Variants in SLC12A6 observed in about 807,000 individuals in gnomAD.
SLC12A6 encodes the protein solute carrier family 12 member 6.
Under a neutral mutation model 135.3 loss-of-function variants are expected in SLC12A6, and 66 were observed. That is an observed-to-expected ratio of 0.49 (90% CI 0.40 to 0.60). The LOEUF (loss-of-function observed/expected upper bound fraction) is 0.60, where lower values mean the gene tolerates loss of function less well. Ranked by LOEUF, SLC12A6 falls within the 20% of genes least tolerant of loss-of-function variation. SLC12A6 has a pLI of 0.00. For synonymous variants in SLC12A6, 513 were observed against 508.8 expected (o/e 1.01, Z -0.11); for missense variants, 1,058 against 1,452.3 (o/e 0.73, Z 4.41).
intron 2 of SLC12A6, among the ~76,000 whole-genome samples, chr15:34,303,041 A>G (rs961333959): frequency 6.6e-6 from 1 of 152,012 alleles, no homozygotes; most frequent in African/African-American, 2.4e-5. Context: ...CTGTGGAAAC[A>G]TATTTCACAT....
intron 17 of SLC12A6, 130 bp downstream of exon 17, chr15:34,241,972 T>C: frequency 1.4e-6 from 1 of 737,086 alleles, no homozygotes; most frequent in Admixed American, 1.9e-5. Context: ...GGTTAAAGAA[T>C]TAGGGGTACA....
chr15:34,266,859 TAA>T (rs1350946029), intron 3 of SLC12A6, among the ~76,000 whole-genome samples: 2 of 152,240 alleles, frequency 1.3e-5, no homozygotes, highest in African/African-American at 4.8e-5. Context: ...GTTGGATTTT[TAA>T]AAGTCTGACA....
Position 34,270,568 on chromosome 15 carries a change from C to T in SLC12A6, c.316+4777G>A, listed in dbSNP as rs537968410. Among the ~76,000 whole-genome samples, 26 of 152,096 alleles carry T rather than the reference C, an allele frequency of 1.7e-4. No individual in the cohort carries two copies. The South Asian group carries it at 4.4e-3, about 25-fold the overall frequency. On this transcript the variant is annotated intron_variant, in intron 3 of 25. Coordinates refer to ENST00000354181, the MANE Select transcript of SLC12A6 (RefSeq NM_001365088.1). ...CTCTAATCCCAGCACTTTGGGAGGACGAGACAGGCGGATCACTTGAGGCTT... is the reference window on the plus strand; with the variant it reads ...CTCTAATCCCAGCACTTTGGGAGGATGAGACAGGCGGATCACTTGAGGCTT...
In SLC12A6 at chr15:34,299,975, T is replaced by C. The variant is rs181179748; in HGVS notation, c.272-24586A>G. Among the ~76,000 whole-genome samples the C allele has an allele frequency of 1.1e-3, 171 of 152,146 alleles. 4 individuals are homozygous for C. In the East Asian group the frequency reaches 0.029, roughly 26 times the overall value. ...TAACAATGGACTAGGATAGTAGCAG[T>C]GAAGATGGAGAGAACGGGACAAATT... On this transcript the variant is annotated intron_variant, in intron 2 of 25. Coordinates refer to ENST00000354181, the MANE Select transcript of SLC12A6 (RefSeq NM_001365088.1).
chr15:34,312,124 A>C (rs913992734), intron 2 of SLC12A6, among the ~76,000 whole-genome samples: 2 of 152,206 alleles, frequency 1.3e-5, no homozygotes, highest in African/African-American at 4.8e-5. Flanking sequence ...CAGTGAAGGA[A>C]AGTAGTCCTT....
chr15:34,270,930 C>T (rs545743672), intron 3 of SLC12A6, among the ~76,000 whole-genome samples: 1 of 151,958 alleles, frequency 6.6e-6, no homozygotes, highest in South Asian at 2.1e-4. Context: ...GTGGAAGGCC[C>T]CTCTTCACAG....
chr15:34,303,436 A>T (rs1896392940), intron 2 of SLC12A6, among the ~76,000 whole-genome samples: 1 of 152,202 alleles, frequency 6.6e-6, no homozygotes, highest in African/African-American at 2.4e-5. Flanking sequence ...AATCATATAT[A>T]AACTTTTGAG....
intron 25 of SLC12A6, 107 bp from the exon 26 acceptor site, chr15:34,234,079 A>AT (rs1330823266): frequency 2.7e-6 from 2 of 727,604 alleles, no homozygotes; most frequent in African/African-American, 3.5e-5. Context: ...TTAGCTGCTT[A>AT]ATTATTATAT....
chr15:34,296,745 G>C (rs897622925), intron 2 of SLC12A6, among the ~76,000 whole-genome samples: 1 of 152,066 alleles, frequency 6.6e-6, no homozygotes, highest in Non-Finnish European at 1.5e-5. Flanking sequence ...TTTTTGCCAA[G>C]AGCATGGCAG....
chr15:34,333,511 G>A (rs138560146), intron 2 of SLC12A6, among the ~76,000 whole-genome samples: 7,214 of 152,062 alleles, frequency 0.047, 192 homozygotes, highest in Non-Finnish European at 0.061. Flanking sequence ...GATTACAGGC[G>A]TGAGCCACCG....
At chr15:34,269,715 A>G (rs927517657) in intron 3 of SLC12A6, among the ~76,000 whole-genome samples, 4 of 150,610 alleles carry the variant, frequency 2.7e-5, no homozygotes, top group Non-Finnish European at 5.9e-5. Flanking sequence ...GCTGTTTAAC[A>G]TGCTCTTTTT....
intron 2 of SLC12A6, among the ~76,000 whole-genome samples, chr15:34,301,609 CACACA>C (rs926391493): frequency 2.6e-5 from 4 of 152,306 alleles, no homozygotes; most frequent in South Asian, 2.1e-4. Context: ...TGGAGCAGAA[CACACA>C]ACACATGAAT....
chr15:34,237,338 C>A, intron 22 of SLC12A6, 81 bp downstream of exon 22: 1 of 1,305,762 alleles, frequency 7.7e-7, no homozygotes, highest in Non-Finnish European at 1.1e-6. Context: ...TGAAAAATTT[C>A]CCAAACCAGA....
intron 14 of SLC12A6, 142 bp downstream of exon 14, chr15:34,245,551 C>G: frequency 1.1e-6 from 1 of 905,634 alleles, no homozygotes; most frequent in Non-Finnish European, 1.9e-6. Context: ...CAGGTAAACT[C>G]ATGCTTGGGA....
chr15:34,238,274 C>T lies in SLC12A6; in HGVS notation c.2760G>A (p.Gly920=), dbSNP rs1037913626. The T allele has an allele frequency of 2.5e-6, 4 of 1,613,572 alleles. No homozygotes were observed. Among genetic ancestry groups the T allele is most frequent in the South Asian group, 1.1e-5 (1 of 91,062 alleles). The change falls in exon 21 of 26, where the codon GGG becomes GGA. Residue 920 remains glycine (G), a synonymous_variant. Coordinates refer to ENST00000354181, the MANE Select transcript of SLC12A6 (RefSeq NM_001365088.1). ...NIDVWWIVHD[G]GMLMLLPFLL... Reference sequence around the variant, plus strand: ...GGAATGGTAGTAGCATAAGCATCCCCCCATCATGCACAATCCACCACACAT... The same window carrying T: ...GGAATGGTAGTAGCATAAGCATCCCTCCATCATGCACAATCCACCACACAT...
chr15:34,233,767 T>C lies in SLC12A6; in HGVS notation c.*114A>G, dbSNP rs1278528471. ...TCAGCTCATCAAGAGTTCAGTATGA[T>C]GTGTACAGAACACAGGCTTCTAGTT... On this transcript the variant is annotated 3_prime_UTR_variant, in exon 26 of 26. Coordinates refer to ENST00000354181, the MANE Select transcript of SLC12A6 (RefSeq NM_001365088.1). 6 of 725,554 alleles carry C rather than the reference T, an allele frequency of 8.3e-6. No homozygotes were observed. The highest frequency in any genetic ancestry group is 2.0e-5 in the Admixed American group (1 of 50,556). The allele number at this position is 725,554 out of a possible 1,614,324, so 44.9% of individuals were successfully genotyped here.
At chr15:34,298,794 G>A (rs930186667) in intron 2 of SLC12A6, among the ~76,000 whole-genome samples, 4 of 151,994 alleles carry the variant, frequency 2.6e-5, no homozygotes, top group Non-Finnish European at 4.4e-5. Flanking sequence ...GTTAAATGTG[G>A]CTTCAGTATG....
chr15:34,321,273 T>C (rs1240528291), intron 2 of SLC12A6, among the ~76,000 whole-genome samples: 5 of 152,182 alleles, frequency 3.3e-5, no homozygotes, highest in African/African-American at 7.2e-5. Flanking sequence ...CGGTGAACTA[T>C]ATATAAAAGT....
rs187744034 is a variant in SLC12A6, at chr15:34,315,032, G to C, written c.271+21378C>G. On this transcript the variant is annotated intron_variant, in intron 2 of 25. Coordinates refer to ENST00000354181, the MANE Select transcript of SLC12A6 (RefSeq NM_001365088.1). The stretch of plus-strand genomic sequence containing the variant: ...ATAAAACCTGAATAGATAAGGAGTT[G>C]CTTCTTATGGTTGAGCAAAGAAAGT... Among the ~76,000 whole-genome samples the C allele has an allele frequency of 2.2e-3, 342 of 152,270 alleles. 8 individuals are homozygous for C. The highest frequency in any genetic ancestry group is 0.021 in the Admixed American group (319 of 15,292).
Sources: allele counts gnomAD v4.1 joint callset (sites outside exome capture counted in the v4.1 genomes callset), GRCh38; gene constraint gnomAD v4.1.1; transcripts MANE v1.5; gene names NCBI Gene and HGNC (gene_info 2026-07-23, HGNC 2026-07-21).